NAALADL2: variants seen among roughly 807,000 people sequenced by gnomAD.
NAALADL2 encodes the protein N-acetylated alpha-linked acidic dipeptidase like 2.
In NAALADL2, 76 loss-of-function variants were observed where a neutral mutation model predicts 87.2. That is an observed-to-expected ratio of 0.87 (90% CI 0.72 to 1.05). The LOEUF (loss-of-function observed/expected upper bound fraction) is 1.05. Ranked by LOEUF, NAALADL2 falls within the 50% of genes least tolerant of loss-of-function variation. NAALADL2 has a pLI of 0.00. For synonymous variants in NAALADL2, 354 were observed against 331.0 expected, an observed-to-expected ratio of 1.07 and a Z score of -0.75; for missense variants, 1,089 against 945.8, an observed-to-expected ratio of 1.15 and a Z score of -1.99.
At chr3:174,993,360 C>T (rs891453700) in intron 1 of NAALADL2, among the ~76,000 whole-genome samples, 11 of 152,054 alleles carry the variant, frequency 7.2e-5, no homozygotes, top group Admixed American at 4.6e-4. Context: ...GAAGAGTGTT[C>T]GATGCTGGGA....
At chr3:174,665,610 C>T (rs908980563) in intron 2 of NAALADL2, among the ~76,000 whole-genome samples, 2 of 152,136 alleles carry the variant, frequency 1.3e-5, no homozygotes, top group African/African-American at 4.8e-5. Context: ...TCCAGGTTTG[C>T]ACTGCAAAAC....
intron 10 of NAALADL2, among the ~76,000 whole-genome samples, chr3:175,579,248 A>G (rs1380762436): frequency 6.6e-6 from 1 of 151,984 alleles, no homozygotes; most frequent in Non-Finnish European, 1.5e-5. Context: ...GAGATTGATC[A>G]TGGATCTATT....
At chr3:175,611,166 T>C (rs993080910) in intron 10 of NAALADL2, among the ~76,000 whole-genome samples, 1 of 152,102 alleles carries the variant, frequency 6.6e-6, no homozygotes, top group Non-Finnish European at 1.5e-5. Flanking sequence ...GCTTATTCTA[T>C]TAAATCACAA....
At chr3:175,131,483 C>T (rs1400551215) in intron 2 of NAALADL2, among the ~76,000 whole-genome samples, 1 of 152,140 alleles carries the variant, frequency 6.6e-6, no homozygotes, top group Admixed American at 6.5e-5. Context: ...GGTCACAGAT[C>T]AACAGGATAA....
At chr3:174,941,936 G>C (rs75420605) in intron 1 of NAALADL2, among the ~76,000 whole-genome samples, 345 of 152,064 alleles carry the variant, frequency 2.3e-3, no homozygotes, top group Non-Finnish European at 3.8e-3. Flanking sequence ...CATACCACTG[G>C]GGCTTGCTTT....
At chr3:175,690,097 A>C (rs550551907) in intron 11 of NAALADL2, among the ~76,000 whole-genome samples, 1 of 152,202 alleles carries the variant, frequency 6.6e-6, no homozygotes, top group Non-Finnish European at 1.5e-5. Context: ...GACTATATAA[A>C]TATATAGAGA....
intron 3 of NAALADL2, among the ~76,000 whole-genome samples, chr3:174,788,004 A>G (rs1717014337): frequency 6.6e-6 from 1 of 152,066 alleles, no homozygotes; most frequent in African/African-American, 2.4e-5. Context: ...GAGATTAGAC[A>G]ATAGATAGAT....
At chr3:175,227,252 T>C (rs1744288701) in intron 2 of NAALADL2, among the ~76,000 whole-genome samples, 1 of 152,032 alleles carries the variant, frequency 6.6e-6, no homozygotes, top group South Asian at 2.1e-4. Context: ...TGTTGCTCTG[T>C]GGCTCATACA....
chr3:175,538,244 G>A (rs773201814), intron 9 of NAALADL2, among the ~76,000 whole-genome samples: 1 of 151,832 alleles, frequency 6.6e-6, no homozygotes, highest in Non-Finnish European at 1.5e-5. Flanking sequence ...ATAAAATTCT[G>A]ACATTAGAAT....
chr3:175,119,778 T>C (rs930190983), intron 2 of NAALADL2, among the ~76,000 whole-genome samples: 1 of 134,826 alleles, frequency 7.4e-6, no homozygotes, highest in African/African-American at 2.8e-5. Flanking sequence ...TATAGATATA[T>C]ATATAAAAGT....
At chr3:174,656,595 T>G (rs1447126541) in intron 2 of NAALADL2, among the ~76,000 whole-genome samples, 1 of 152,210 alleles carries the variant, frequency 6.6e-6, no homozygotes, top group South Asian at 2.1e-4. Context: ...ACCATTACTT[T>G]TTTTGTTTAA....
chr3:174,549,538 C>T (rs1711856984), intron 1 of NAALADL2, among the ~76,000 whole-genome samples: 2 of 152,142 alleles, frequency 1.3e-5, no homozygotes, highest in African/African-American at 4.8e-5. Flanking sequence ...ATAATTGTAA[C>T]TTACTATGTC....
At chr3:174,886,490 A>T (rs934814062) in intron 1 of NAALADL2, among the ~76,000 whole-genome samples, 1 of 152,176 alleles carries the variant, frequency 6.6e-6, no homozygotes, top group African/African-American at 2.4e-5. Flanking sequence ...CTTCAATCCA[A>T]TCAAGTTGAC....
At chr3:174,675,185 G>T (rs1726930098) in intron 2 of NAALADL2, among the ~76,000 whole-genome samples, 1 of 152,048 alleles carries the variant, frequency 6.6e-6, no homozygotes, top group Non-Finnish European at 1.5e-5. Flanking sequence ...TTGGAAATAA[G>T]TATTTCACTT....
chr3:174,671,580 A>T (rs1046917167), intron 2 of NAALADL2, among the ~76,000 whole-genome samples: 1 of 152,096 alleles, frequency 6.6e-6, no homozygotes, highest in South Asian at 2.1e-4. Flanking sequence ...AGGCACAATG[A>T]TGTGATGAAT....
At chr3:175,589,807 CA>C (rs1158399762) in intron 10 of NAALADL2, among the ~76,000 whole-genome samples, 4 of 102,538 alleles carry the variant, frequency 3.9e-5, no homozygotes, top group South Asian at 6.0e-4. Flanking sequence ...AAAAAAAAAA[CA>C]AAAAACCAAA....
intron 1 of NAALADL2, among the ~76,000 whole-genome samples, chr3:174,933,740 G>C (rs900589432): frequency 6.6e-6 from 1 of 152,046 alleles, no homozygotes; most frequent in Non-Finnish European, 1.5e-5. Context: ...GATATCTTTC[G>C]TTTTTAAAGG....
chr3:174,920,168 A>G (rs1328529191), intron 1 of NAALADL2, among the ~76,000 whole-genome samples: 3 of 152,180 alleles, frequency 2.0e-5, no homozygotes, highest in South Asian at 4.1e-4. Context: ...TTAAAGTGAC[A>G]AGCTGCATTA....
chr3:175,456,837 C>T (rs1333909031), intron 6 of NAALADL2, among the ~76,000 whole-genome samples: 1 of 152,006 alleles, frequency 6.6e-6, no homozygotes, highest in Non-Finnish European at 1.5e-5. Context: ...ACATGTATTG[C>T]ATCAAGTTGT....
Sources: gnomAD v4.1 joint callset for allele counts (sites outside exome capture counted in the v4.1 genomes callset) on GRCh38, gnomAD v4.1.1 for gene constraint, MANE v1.5 for transcripts, NCBI Gene and HGNC (gene_info 2026-07-23, HGNC 2026-07-21) for gene names.